The following CCNB3 variants were observed in gnomAD, a reference collection of about 807,000 sequenced individuals.
The protein encoded by CCNB3 is cyclin B3.
Under a neutral mutation model 68.0 loss-of-function variants are expected in CCNB3, and 12 were observed. The ratio of observed to expected loss-of-function variants is 0.18; its 90% CI spans 0.11 to 0.29. CCNB3 has a LOEUF of 0.29. CCNB3 is among the 10% of genes least tolerant of loss of function. The probability of loss-of-function intolerance (pLI) is 1.00; values close to 1 mark genes in which losing one functional copy is unlikely to be tolerated. For synonymous variants in CCNB3, 354 were observed against 388.9 expected, an observed-to-expected ratio of 0.91 and a Z score of 1.06; for missense variants, 904 against 993.1, an observed-to-expected ratio of 0.91 and a Z score of 1.21.
rs200489365 is a variant in CCNB3, at chrX:50,309,333, G to A, written c.1164G>A (p.Gln388=). The A allele has an allele frequency of 2.6e-5, 32 of 1,209,481 alleles. No individual in the cohort carries two copies. In the African/African-American group the frequency reaches 5.2e-4, roughly 20 times the overall value. ...TGATGCCAGTAATATTGAAGGAGCA[G>A]TGCATGACTGAGGGGAAGAGGTCCC... The part of the protein sequence containing the change: ...AIMMPVILKE[Q]CMTEGKRSRL... The change falls in exon 6 of 13, where the codon CAG becomes CAA. Residue 388 remains glutamine (Q), a synonymous_variant. Coordinates refer to ENST00000376042, the MANE Select transcript of CCNB3 (RefSeq NM_033031.3).
intron 8 of CCNB3, among the ~76,000 whole-genome samples, chrX:50,331,967 A>G (rs181587298): frequency 1.8e-5 from 2 of 110,900 alleles, no homozygotes; most frequent in East Asian, 5.7e-4. Flanking sequence ...GATCCTTTTC[A>G]TTTTTTTATC....
At chrX:50,226,422 GTAGAATATATAAAAATATATA>G (rs1935804242) in intron 1 of CCNB3, among the ~76,000 whole-genome samples, 1 of 3,787 alleles carries the variant, frequency 2.6e-4, no homozygotes, top group African/African-American at 1.3e-3. Flanking sequence ...GAATATATAT[GTAGAATATATAAAAATATATA>G]TAGAATATAT....
intron 1 of CCNB3, among the ~76,000 whole-genome samples, chrX:50,226,342 AATAT>A (rs1199466683): frequency 1.4e-5 from 1 of 69,126 alleles, no homozygotes; most frequent in South Asian, 8.8e-4. Flanking sequence ...ATATATATAG[AATAT>A]ATATAAAAAT....
At chrX:50,227,659 AAAATATATATAGAGAGAATATATATAT>A (rs1935911904) in intron 1 of CCNB3, among the ~76,000 whole-genome samples, 11 of 2,496 alleles carry the variant, frequency 4.4e-3, no homozygotes, top group East Asian at 0.011. Flanking sequence ...AATATATATA[AAAATATATATAGAGAGAATATATATAT>A]AAATATATAT....
At chrX:50,318,706 T>C (rs1169251363) in intron 8 of CCNB3, among the ~76,000 whole-genome samples, 1 of 111,890 alleles carries the variant, frequency 8.9e-6, no homozygotes, top group Non-Finnish European at 1.9e-5. Context: ...GAAAGGTCTG[T>C]TTGCAAGGTT....
chrX:50,311,360 C>A lies in CCNB3; in HGVS notation c.3191C>A (p.Pro1064His), dbSNP rs782362206. Residue 1064 changes from proline (P) to histidine (H), a missense_variant, in exon 6 of 13, where the codon CCT (proline) becomes CAT (histidine). Physicochemically the swap from Pro to His is moderately conservative, Grantham distance 77 (BLOSUM62 -2). Around this residue, in one of 2 missense-constraint regions of CCNB3, gnomAD observed 285 missense variants for 383.4 expected, o/e 0.74. Coordinates refer to ENST00000376042, the MANE Select transcript of CCNB3 (RefSeq NM_033031.3). ...GTSPYVFSTT[P>H]ESITEKSSIA... ...AGCCCATATGTGTTTAGCACCACCC[C>A]TGAATCCATAACAGAGAAGTCCAGC... is the stretch of plus-strand genomic sequence containing the variant. The A allele has an allele frequency of 8.3e-7, 1 of 1,211,173 alleles. No homozygotes were observed. The highest frequency in any genetic ancestry group is 1.8e-5 in the South Asian group (1 of 56,910).
intron 10 of CCNB3, among the ~76,000 whole-genome samples, chrX:50,347,390 T>C (rs1165766547): frequency 3.6e-5 from 4 of 110,020 alleles, no homozygotes; most frequent in Non-Finnish European, 7.6e-5. Flanking sequence ...TACACACAGT[T>C]GGTAATTTGA....
intron 8 of CCNB3, among the ~76,000 whole-genome samples, chrX:50,319,886 C>A (rs111795268): frequency 0.023 from 2,600 of 110,751 alleles, 64 homozygotes; most frequent in African/African-American, 0.082. Flanking sequence ...TTTGTTTTAG[C>A]CTAATATAGT....
At chrX:50,287,876 A>C (rs1557209562) in intron 3 of CCNB3, among the ~76,000 whole-genome samples, 1 of 109,822 alleles carries the variant, frequency 9.1e-6, no homozygotes, top group African/African-American at 3.3e-5. Flanking sequence ...ATTTATAGCC[A>C]CTCCCCATCG....
At chrX:50,279,095 T>A (rs1311470140) in intron 1 of CCNB3, among the ~76,000 whole-genome samples, 5 of 60,857 alleles carry the variant, frequency 8.2e-5, no homozygotes, top group African/African-American at 3.5e-4. Flanking sequence ...TATATATTAA[T>A]ATATATTCCA....
At chrX:50,350,248 T>TACACACACAC (rs35500925) in intron 11 of CCNB3, among the ~76,000 whole-genome samples, 1,868 of 95,205 alleles carry the variant, frequency 0.02, 50 homozygotes, top group African/African-American at 0.066. Flanking sequence ...CATACACAAA[T>TACACACACAC]ACACACACAC....
intron 5 of CCNB3, among the ~76,000 whole-genome samples, chrX:50,299,011 A>G (rs782636874): frequency 9.1e-6 from 1 of 110,148 alleles, no homozygotes; most frequent in Admixed American, 9.7e-5. Flanking sequence ...CGTCTATTTG[A>G]TTCTTCTCTG....
intron 5 of CCNB3, among the ~76,000 whole-genome samples, chrX:50,301,295 T>C (rs1457750951): frequency 2.7e-5 from 3 of 111,590 alleles, no homozygotes; most frequent in South Asian, 7.6e-4. Context: ...GTGATGGTGA[T>C]GTACAGATGG....
intron 8 of CCNB3, among the ~76,000 whole-genome samples, chrX:50,315,257 A>G (rs1921659676): frequency 9.0e-6 from 1 of 111,510 alleles, no homozygotes; most frequent in Non-Finnish European, 1.9e-5. Flanking sequence ...TCCACAAGTT[A>G]TATCAATGTA....
At chrX:50,213,553 A>G (rs1276849693) in intron 1 of CCNB3, among the ~76,000 whole-genome samples, 1 of 111,686 alleles carries the variant, frequency 9.0e-6, no homozygotes, top group Non-Finnish European at 1.9e-5. Flanking sequence ...TCCCTTTTCT[A>G]TTTTATGGAA....
intron 5 of CCNB3, among the ~76,000 whole-genome samples, chrX:50,301,700 A>G (rs1462312556): frequency 2.7e-5 from 3 of 112,344 alleles, no homozygotes; most frequent in Middle Eastern, 4.2e-3. Context: ...GGTTATTGCT[A>G]TCTTTTGTTT....
intron 8 of CCNB3, among the ~76,000 whole-genome samples, chrX:50,329,574 C>T (rs1002370478): frequency 3.6e-5 from 4 of 112,669 alleles, no homozygotes; most frequent in Non-Finnish European, 7.5e-5. Flanking sequence ...ATGGAAGCAG[C>T]CCCCCACTCA....
chrX:50,227,603 A>AAT (rs1322344620), intron 1 of CCNB3, among the ~76,000 whole-genome samples: 4 of 87,566 alleles, frequency 4.6e-5, no homozygotes, highest in Non-Finnish European at 6.5e-5. Flanking sequence ...ATATACAGAG[A>AAT]ATATATATAT....
intron 12 of CCNB3, 67 bp downstream of exon 12, chrX:50,351,438 C>A: frequency 2.6e-6 from 3 of 1,134,603 alleles, no homozygotes; most frequent in Non-Finnish European, 3.6e-6. Context: ...AAATACTAGA[C>A]CGAGACTAGC....
Sources: allele counts gnomAD v4.1 joint callset (sites outside exome capture counted in the v4.1 genomes callset), GRCh38; gene constraint gnomAD v4.1.1; regional missense constraint gnomAD v4.1.1; transcripts MANE v1.5; gene names NCBI Gene and HGNC (gene_info 2026-07-23, HGNC 2026-07-21).